Variants in PTPN12 observed in about 807,000 individuals in gnomAD.
PTPN12 encodes the protein protein tyrosine phosphatase non-receptor type 12, also known as tyrosine-protein phosphatase non-receptor type 12.
Under a neutral mutation model 97.6 loss-of-function variants are expected in PTPN12, and 29 were observed. The observed-to-expected ratio is 0.30, with a 90% confidence interval of 0.22 to 0.41. The LOEUF is 0.41. Among genes scored for constraint, PTPN12 ranks in the 10% least tolerant of loss-of-function variants. PTPN12 has a pLI of 1.00. For synonymous variants in PTPN12, 327 were observed against 300.4 expected (o/e 1.09, Z -0.91); for missense variants, 819 against 926.0 (o/e 0.88, Z 1.50).
chr7:77,635,162 T>C (rs1399003461), intron 14 of PTPN12, among the ~76,000 whole-genome samples: 1 of 152,236 alleles, frequency 6.6e-6, no homozygotes, highest in East Asian at 1.9e-4. Context: ...CAATGGCTTA[T>C]GCCTGTGATC....
chr7:77,629,892 A>G (rs1789336863), intron 13 of PTPN12, among the ~76,000 whole-genome samples: 1 of 151,508 alleles, frequency 6.6e-6, no homozygotes, highest in East Asian at 1.9e-4. Context: ...AGTGAGCCAT[A>G]ATTGCGTCCC....
At chr7:77,568,801 T>A (rs182920023) in intron 1 of PTPN12, among the ~76,000 whole-genome samples, 1 of 152,336 alleles carries the variant, frequency 6.6e-6, no homozygotes, top group Admixed American at 6.5e-5. Flanking sequence ...CCCCTCTGTG[T>A]TTCTGCAACT....
chr7:77,610,685 T>A, intron 9 of PTPN12, 80 bp from the exon 10 acceptor site: 1 of 1,398,064 alleles, frequency 7.2e-7, no homozygotes, highest in Non-Finnish European at 9.8e-7. Context: ...GGTATTTAAG[T>A]TTTATGTGAA....
intron 11 of PTPN12, among the ~76,000 whole-genome samples, chr7:77,614,548 C>T (rs953510760): frequency 1.3e-5 from 2 of 151,794 alleles, no homozygotes; most frequent in Non-Finnish European, 2.9e-5. Context: ...GAAATCTCTC[C>T]ATAGATGAAT....
At chr7:77,591,049 G>A (rs550269132) in intron 5 of PTPN12, among the ~76,000 whole-genome samples, 23 of 152,146 alleles carry the variant, frequency 1.5e-4, no homozygotes, top group Middle Eastern at 3.4e-3. Flanking sequence ...AAAAAAGAGA[G>A]AATTTAATTT....
At chr7:77,553,279 G>A (rs141271553) in intron 1 of PTPN12, among the ~76,000 whole-genome samples, 129 of 152,318 alleles carry the variant, frequency 8.5e-4, no homozygotes, top group African/African-American at 2.9e-3. Context: ...GTCTTAGGTA[G>A]TCTATAGACG....
At chr7:77,579,514 A>G (rs996107201) in intron 2 of PTPN12, among the ~76,000 whole-genome samples, 10 of 152,244 alleles carry the variant, frequency 6.6e-5, no homozygotes, top group African/African-American at 2.2e-4. Context: ...TAATAGTTTT[A>G]TAAGTGTTAA....
chr7:77,625,067 A>G (rs6949321), intron 12 of PTPN12, among the ~76,000 whole-genome samples: 2,187 of 152,124 alleles, frequency 0.014, 56 homozygotes, highest in African/African-American at 0.05. Context: ...CCCAGGAGGT[A>G]GAGGTTCCAA....
intron 2 of PTPN12, among the ~76,000 whole-genome samples, chr7:77,576,075 C>G (rs551151879): frequency 6.6e-6 from 1 of 152,126 alleles, no homozygotes; most frequent in Non-Finnish European, 1.5e-5. Flanking sequence ...AGACTGGTCT[C>G]GAACTCCTGA....
intron 1 of PTPN12, among the ~76,000 whole-genome samples, chr7:77,546,892 C>G (rs1169298172): frequency 1.3e-5 from 2 of 152,254 alleles, no homozygotes; most frequent in East Asian, 1.9e-4. Flanking sequence ...TGAGAACTCA[C>G]TATCAGGAGA....
intron 12 of PTPN12, among the ~76,000 whole-genome samples, chr7:77,619,424 G>C (rs1273965730): frequency 1.3e-5 from 2 of 152,066 alleles, no homozygotes; most frequent in African/African-American, 4.8e-5. Context: ...CTGAACAAAA[G>C]AAAAAGCCTG....
intron 2 of PTPN12, among the ~76,000 whole-genome samples, chr7:77,581,033 GTGT>G (rs1787498144): frequency 6.9e-6 from 1 of 144,404 alleles, no homozygotes; most frequent in Non-Finnish European, 1.5e-5. Context: ...ACTGGTGGTG[GTGT>G]TTTTTTGTTT....
At chr7:77,575,193 A>G in intron 2 of PTPN12, among the ~76,000 whole-genome samples, 1 of 152,154 alleles carries the variant, frequency 6.6e-6, no homozygotes, top group Non-Finnish European at 1.5e-5. Flanking sequence ...CTGTTAGATA[A>G]CTATTTAATT....
chr7:77,625,472 G>GCTTGCGCGCGCTCTCTCTCT lies in PTPN12; in HGVS notation c.1026-1231_1026-1230insTGCGCGCGCTCTCTCTCTCT, dbSNP rs1554326598. Among the ~76,000 whole-genome samples the GCTTGCGCGCGCTCTCTCTCT allele has an allele frequency of 2.1e-4, 7 of 33,522 alleles. 2 individuals are homozygous for GCTTGCGCGCGCTCTCTCTCT. The highest frequency in any genetic ancestry group is 9.3e-4 in the African/African-American group (7 of 7,510). 22.0% of individuals were successfully genotyped at this position (33,522 alleles called of 152,430 possible). ...TTTTGCCATATTGCCCAGGCTGCTC[G>GCTTGCGCGCGCTCTCTCTCT]CTCTCTCTCTCTCTCTCTCTCTCTC... On this transcript the variant is annotated intron_variant, in intron 12 of 17. Transcript: ENST00000248594.
At chr7:77,597,025 TATTC>T (rs1423623840) in intron 6 of PTPN12, among the ~76,000 whole-genome samples, 16 of 149,556 alleles carry the variant, frequency 1.1e-4, no homozygotes, top group Non-Finnish European at 1.8e-4. Flanking sequence ...GTGCTCCACC[TATTC>T]ATTCATCTCA....
chr7:77,625,449 T>G (rs1189620461), intron 12 of PTPN12, among the ~76,000 whole-genome samples: 1 of 116,770 alleles, frequency 8.6e-6, no homozygotes, highest in African/African-American at 3.6e-5. Flanking sequence ...ACACAGGGTT[T>G]TGCCATATTG....
rs574217900 is a variant in PTPN12 at position 77,625,594 on chromosome 7, C to T, written c.1026-1111C>T. Among the ~76,000 whole-genome samples, 273 of 60,262 alleles carry T rather than the reference C, an allele frequency of 4.5e-3. 5 individuals are homozygous for T. The Middle Eastern group carries it at 0.047, about 10-fold the overall frequency. The allele number at this position is 60,262 out of a possible 152,430, so 39.5% of individuals were successfully genotyped here. On this transcript the variant is annotated intron_variant, in intron 12 of 17. Coordinates refer to ENST00000248594, the MANE Select transcript of PTPN12 (RefSeq NM_002835.4). ...TTTTTTTTTTTTTTTTTTTTGGAGA[C>T]AGTCTTGCTCTGTCGCCCAGACTGG...
intron 12 of PTPN12, among the ~76,000 whole-genome samples, chr7:77,623,511 G>A (rs969550726): frequency 5.3e-5 from 8 of 152,244 alleles, no homozygotes; most frequent in Non-Finnish European, 8.8e-5. Flanking sequence ...AGAAGTTTAA[G>A]ACCAGCCTGG....
chr7:77,621,760 T>TATATGACTG (rs1349723093), intron 12 of PTPN12, among the ~76,000 whole-genome samples: 3 of 152,208 alleles, frequency 2.0e-5, no homozygotes, highest in Non-Finnish European at 4.4e-5. Flanking sequence ...GCTGTGCTTT[T>TATATGACTG]ATATGACTGA....
Sources: gnomAD v4.1 joint callset for allele counts (sites outside exome capture counted in the v4.1 genomes callset) on GRCh38, gnomAD v4.1.1 for gene constraint, MANE v1.5 for transcripts, NCBI Gene and HGNC (gene_info 2026-07-23, HGNC 2026-07-21) for gene names.